Variants in PAMR1 observed in about 807,000 individuals in gnomAD.
PAMR1 encodes peptidase domain containing associated with muscle regeneration 1.
Under a neutral mutation model 81.8 loss-of-function variants are expected in PAMR1, and 88 were observed. The ratio of observed to expected loss-of-function variants is 1.08; its 90% confidence interval spans 0.91 to 1.28. The LOEUF is 1.28. Ranked by LOEUF, PAMR1 falls within the 50% of genes most tolerant of loss-of-function variation. The pLI is 0.00. For synonymous variants in PAMR1, 336 were observed against 345.3 expected, an observed-to-expected ratio of 0.97 and a Z score of 0.30; for missense variants, 935 against 919.7, an observed-to-expected ratio of 1.02 and a Z score of -0.21.
chr11:35,503,043 C>T (rs1850882959), intron 1 of PAMR1, among the ~76,000 whole-genome samples: 2 of 152,134 alleles, frequency 1.3e-5, no homozygotes, highest in Non-Finnish European at 2.9e-5. Flanking sequence ...AAGTTTCATA[C>T]TTCTGCATAT....
At chr11:35,494,792 G>T (rs967980827) in intron 1 of PAMR1, among the ~76,000 whole-genome samples, 2 of 152,170 alleles carry the variant, frequency 1.3e-5, no homozygotes, top group African/African-American at 2.4e-5. Flanking sequence ...TTAAAACCAC[G>T]CATGGGAGCA....
chr11:35,464,552 A>G (rs1354139661), intron 6 of PAMR1, among the ~76,000 whole-genome samples: 1 of 152,190 alleles, frequency 6.6e-6, no homozygotes, highest in African/African-American at 2.4e-5. Flanking sequence ...TACAATTATC[A>G]CAGCCAACAC....
At chr11:35,495,904 TG>T (rs1356841638) in intron 1 of PAMR1, among the ~76,000 whole-genome samples, 5 of 152,360 alleles carry the variant, frequency 3.3e-5, no homozygotes, top group Admixed American at 2.0e-4. Flanking sequence ...TTTAGTTTCA[TG>T]AAAATTTGAC....
chr11:35,465,915 T>C (rs1333366817), intron 6 of PAMR1, among the ~76,000 whole-genome samples: 1 of 152,240 alleles, frequency 6.6e-6, no homozygotes, highest in East Asian at 1.9e-4. Context: ...ATTTTCTTAA[T>C]GGAATAACAA....
At chr11:35,520,110 T>C (rs768756342) in intron 1 of PAMR1, among the ~76,000 whole-genome samples, 1 of 152,190 alleles carries the variant, frequency 6.6e-6, no homozygotes, top group Non-Finnish European at 1.5e-5. Context: ...ATAGCCAAAC[T>C]TGGGATTCAT....
intron 1 of PAMR1, among the ~76,000 whole-genome samples, chr11:35,502,841 A>G (rs1221140976): frequency 6.6e-6 from 1 of 151,916 alleles, no homozygotes; most frequent in East Asian, 1.9e-4. Context: ...TTTAAGCTTC[A>G]TGTATTAATA....
intron 6 of PAMR1, among the ~76,000 whole-genome samples, chr11:35,455,938 A>G (rs1590332980): frequency 6.6e-6 from 1 of 151,544 alleles, no homozygotes; most frequent in Admixed American, 6.6e-5. Context: ...CTTTCCTTCC[A>G]CTTACTTATT....
chr11:35,528,457 T>C (rs998169809), upstream of PAMR1, among the ~76,000 whole-genome samples: 1 of 152,214 alleles, frequency 6.6e-6, no homozygotes, highest in South Asian at 2.1e-4. Flanking sequence ...TCTTGCCACT[T>C]CTCTGCAAAT....
chr11:35,483,477 T>C (rs1850439497), intron 3 of PAMR1, among the ~76,000 whole-genome samples: 1 of 151,898 alleles, frequency 6.6e-6, no homozygotes, highest in South Asian at 2.1e-4. Flanking sequence ...TGCCTTGGAG[T>C]CTCTTCTAGA....
At chr11:35,439,224 G>C (rs1054759800) in intron 8 of PAMR1, among the ~76,000 whole-genome samples, 28 of 152,190 alleles carry the variant, frequency 1.8e-4, no homozygotes, top group Non-Finnish European at 3.5e-4. Flanking sequence ...CATCTCACTG[G>C]TTACCTCCAA....
At chr11:35,435,470 A>G (rs895323137) in intron 9 of PAMR1, among the ~76,000 whole-genome samples, 1 of 152,070 alleles carries the variant, frequency 6.6e-6, no homozygotes, top group Non-Finnish European at 1.5e-5. Flanking sequence ...GGGCTCCCAA[A>G]ATGCTGAGAT....
intron 1 of PAMR1, among the ~76,000 whole-genome samples, chr11:35,509,645 TTTACCAGTGAA>T (rs1344985530): frequency 6.6e-6 from 1 of 152,228 alleles, no homozygotes; most frequent in Non-Finnish European, 1.5e-5. Flanking sequence ...ACTCCTTCAC[TTTACCAGTGAA>T]GAAAAGGGTG....
chr11:35,496,658 C>T (rs1369641974), intron 1 of PAMR1, among the ~76,000 whole-genome samples: 1 of 152,160 alleles, frequency 6.6e-6, no homozygotes, highest in African/African-American at 2.4e-5. Context: ...TTGTATATTG[C>T]TGATAGAAAT....
In PAMR1 at chr11:35,466,939, T is replaced by C. The variant is rs55690107; in HGVS notation, c.820+1062A>G. On this transcript the variant is annotated intron_variant, in intron 6 of 10. Transcript: ENST00000619888. ...CCCTTTTCCCCTCCCCATCCTATGG[T>C]ATTTTACTTCCAATGGCCTGTACTT... Among the ~76,000 whole-genome samples the C allele has an allele frequency of 4.9e-3, 750 of 152,010 alleles. 6 individuals carry two copies. The highest frequency in any genetic ancestry group is 0.017 in the African/African-American group (714 of 41,450).
At chr11:35,433,090 T>C (rs1485868647) in intron 10 of PAMR1, among the ~76,000 whole-genome samples, 198 bp from the exon 11 acceptor site, 1 of 152,196 alleles carries the variant, frequency 6.6e-6, no homozygotes, top group East Asian at 1.9e-4. Context: ...TTCTAGGGCC[T>C]GGAAGGTGGG....
At chr11:35,500,441 A>G (rs866646379) in intron 1 of PAMR1, among the ~76,000 whole-genome samples, 3 of 152,248 alleles carry the variant, frequency 2.0e-5, no homozygotes, top group African/African-American at 4.8e-5. Context: ...AAAAATAGAC[A>G]TCATCACTAG....
chr11:35,485,737 C>G (rs1366562561), intron 3 of PAMR1, among the ~76,000 whole-genome samples: 1 of 152,226 alleles, frequency 6.6e-6, no homozygotes, highest in East Asian at 1.9e-4. Context: ...TAAAACAGCT[C>G]TGATCCTTCT....
chr11:35,463,162 G>T (rs1366516272), intron 6 of PAMR1, among the ~76,000 whole-genome samples: 1 of 152,204 alleles, frequency 6.6e-6, no homozygotes, highest in African/African-American at 2.4e-5. Flanking sequence ...ATTCTGATGA[G>T]AAGCGCGGGT....
intron 6 of PAMR1, among the ~76,000 whole-genome samples, chr11:35,457,617 T>C (rs1002272846): frequency 1.3e-5 from 2 of 152,144 alleles, no homozygotes; most frequent in African/African-American, 4.8e-5. Context: ...TCATGAGGTG[T>C]CTTAGGTTGG....
Sources: gnomAD v4.1 joint callset for allele counts (sites outside exome capture counted in the v4.1 genomes callset) on GRCh38, gnomAD v4.1.1 for gene constraint, MANE v1.5 for transcripts, NCBI Gene and HGNC (gene_info 2026-07-23, HGNC 2026-07-21) for gene names.